Variants in CHORDC1 observed in about 807,000 individuals in gnomAD.
The protein encoded by CHORDC1 is cysteine and histidine-rich domain-containing protein 1.
A neutral mutation model predicts 48.3 loss-of-function variants in CHORDC1; 25 were observed. The observed-to-expected ratio is 0.52, with a 90% CI of 0.38 to 0.72. The LOEUF (loss-of-function observed/expected upper bound fraction) is 0.72, where lower values mean the gene tolerates loss of function less well. Among genes scored for constraint, CHORDC1 ranks in the 30% least tolerant of loss-of-function variants. The pLI is 0.00. For missense variants in CHORDC1, 317 were observed against 388.7 expected, an observed-to-expected ratio of 0.82 and a Z score of 1.55; for synonymous variants, 128 against 126.4, an observed-to-expected ratio of 1.01 and a Z score of -0.09.
In CHORDC1 at chr11:90,204,588, G is replaced by C. The variant is rs1292520611; in HGVS notation, c.669+872C>G. Among the ~76,000 whole-genome samples the C allele has an allele frequency of 4.6e-5, 7 of 152,114 alleles. No homozygotes were observed. In the East Asian group the frequency reaches 9.7e-4, roughly 21 times the overall value. On this transcript the variant is annotated intron_variant, in intron 8 of 10. Coordinates refer to ENST00000320585, the MANE Select transcript of CHORDC1 (RefSeq NM_012124.3). ...ACAAAAAAATTAGCTGGGCGTGGTG[G>C]TACGCACCTGTAGTCCCAGCTACTA...
chr11:90,217,840 T>C (rs1021100224), intron 2 of CHORDC1: 2 of 173,852 alleles, frequency 1.2e-5, no homozygotes, highest in Admixed American at 1.3e-4. Context: ...GACGTTGCAG[T>C]GAGCTGAGAT....
At chr11:90,203,880 T>C (rs1857602616) in intron 8 of CHORDC1, among the ~76,000 whole-genome samples, 1 of 152,116 alleles carries the variant, frequency 6.6e-6, no homozygotes, top group Non-Finnish European at 1.5e-5. Flanking sequence ...AATCAGAATC[T>C]AAGAAAAAAA....
intron 6 of CHORDC1, chr11:90,207,224 GCAAT>G (rs745798002): frequency 2.5e-5 from 4 of 162,902 alleles, no homozygotes; most frequent in Non-Finnish European, 5.4e-5. Flanking sequence ...CAGATTTTAA[GCAAT>G]CAGACTATAC....
Position 90,206,274 on chromosome 11 carries a change from T to A in CHORDC1, c.493-2A>T. 1 of 1,520,594 alleles carries A rather than the reference T, an allele frequency of 6.6e-7. No homozygotes were observed. Among genetic ancestry groups the A allele is most frequent in the Non-Finnish European group, 9.1e-7 (1 of 1,097,234 alleles). The allele number at this position is 1,520,594 out of a possible 1,614,324, so 94.2% of individuals were successfully genotyped here. A position where few individuals can be genotyped will look rare whatever the true frequency, so the allele number is the denominator to read the frequency against. ...TAGACTCTCTAGACCCTGGTATGTCTAAAAAGGAAACAAAGAGAAAAAAAA... is the reference window on the plus strand; with the variant it reads ...TAGACTCTCTAGACCCTGGTATGTCAAAAAAGGAAACAAAGAGAAAAAAAA... On this transcript the variant is annotated splice_acceptor_variant, in intron 6 of 10. Coordinates refer to ENST00000320585, the MANE Select transcript of CHORDC1 (RefSeq NM_012124.3). LOFTEE classifies it high-confidence loss of function.
intron 6 of CHORDC1, chr11:90,207,245 G>C: frequency 6.5e-6 from 1 of 154,362 alleles, no homozygotes; most frequent in South Asian, 2.0e-4. Context: ...ATACTAACAG[G>C]TTTCTACTAT....
intron 1 of CHORDC1, 115 bp downstream of exon 1, chr11:90,222,776 G>T: frequency 2.1e-6 from 2 of 963,328 alleles, no homozygotes; most frequent in African/African-American, 1.6e-5. Context: ...GAGGGGCATG[G>T]ACCTGGGGCC....
rs938489857 is a variant in CHORDC1 at position 90,213,073 on chromosome 11, A to G, written c.329+945T>C. On this transcript the variant is annotated intron_variant, in intron 4 of 10. Transcript: ENST00000320585. ...TTTCCCAATTATTTTTCTAACTGCT[A>G]AACTGGCCAAAGCATTCAATGGTCT... 14 of 223,612 alleles carry G rather than the reference A, an allele frequency of 6.3e-5. No homozygotes were observed. The Admixed American group carries it at 6.5e-4, about 10-fold the overall frequency. 13.9% of individuals were successfully genotyped at this position (223,612 alleles called of 1,614,324 possible).
In CHORDC1 at chr11:90,222,797, G is replaced by T. The variant is rs776858082; in HGVS notation, c.64+94C>A. The T allele has an allele frequency of 3.4e-6, 4 of 1,161,346 alleles. No homozygotes were observed. In the East Asian group the frequency reaches 1.0e-4, roughly 29 times the overall value. 71.9% of individuals were successfully genotyped at this position (1,161,346 alleles called of 1,614,324 possible). On this transcript the variant is annotated intron_variant, in intron 1 of 10. Transcript: ENST00000320585. ...CATGGACCTGGGGCCGCGCGAGGAC[G>T]GCTGCAGGAGATCCGCGGACACCCT...
At chr11:90,204,952 C>G (rs1237189794) in intron 8 of CHORDC1, among the ~76,000 whole-genome samples, 2 of 151,768 alleles carry the variant, frequency 1.3e-5, no homozygotes, top group African/African-American at 4.8e-5. Context: ...TTTTTTCCCC[C>G]CTTTTGATAA....
intron 10 of CHORDC1, 122 bp from the exon 11 acceptor site, chr11:90,202,673 T>C: frequency 3.6e-6 from 5 of 1,384,412 alleles, no homozygotes; most frequent in South Asian, 1.4e-5. Flanking sequence ...CTTTTATATC[T>C]AGTCTTAAAC....
chr11:90,204,903 T>G (rs2135028185), intron 8 of CHORDC1, among the ~76,000 whole-genome samples: 1 of 152,188 alleles, frequency 6.6e-6, no homozygotes, highest in Middle Eastern at 3.4e-3. Flanking sequence ...AGCCCCCAAG[T>G]CTTTTTAAAA....
At chr11:90,207,780 A>C (rs1328302400) in intron 6 of CHORDC1, 3 of 143,278 alleles carry the variant, frequency 2.1e-5, no homozygotes, top group African/African-American at 7.6e-5. Context: ...AAAAAAAAAC[A>C]AAAAAAACTC....
chr11:90,204,674 C>A lies in CHORDC1; in HGVS notation c.669+786G>T, dbSNP rs1857625613. 1.3e-5 allele frequency among the ~76,000 whole-genome samples: 2 copies of A among 151,364 alleles called. 1 individual carries two copies. Among genetic ancestry groups the A allele is most frequent in the South Asian group, 4.2e-4 (2 of 4,798 alleles). On this transcript the variant is annotated intron_variant, in intron 8 of 10. Coordinates refer to ENST00000320585, the MANE Select transcript of CHORDC1 (RefSeq NM_012124.3). ...AGGCGGAGGTTGCAGTGAGCCTGCA[C>A]TGCACGTCTGGGCGACAGAGCGAGA...
chr11:90,203,628 T>C (rs993340611), intron 8 of CHORDC1, among the ~76,000 whole-genome samples: 1 of 152,206 alleles, frequency 6.6e-6, no homozygotes, highest in Non-Finnish European at 1.5e-5. Flanking sequence ...ATAAATTTTA[T>C]GATTTCAGAA....
chr11:90,203,641 CACTT>C (rs1370958434), intron 8 of CHORDC1, among the ~76,000 whole-genome samples: 1 of 152,106 alleles, frequency 6.6e-6, no homozygotes, highest in South Asian at 2.1e-4. Flanking sequence ...TTTCAGAACA[CACTT>C]ACTCCTTCCC....
intron 2 of CHORDC1, chr11:90,217,909 A>AAAC (rs1491375750): frequency 3.6e-5 from 11 of 309,016 alleles, no homozygotes; most frequent in Non-Finnish European, 5.9e-5. Flanking sequence ...AAAAAAAAAA[A>AAAC]AAACCCAGAA....
chr11:90,216,991 A>G (rs980524756), intron 2 of CHORDC1, among the ~76,000 whole-genome samples: 3 of 152,230 alleles, frequency 2.0e-5, no homozygotes, highest in Admixed American at 2.0e-4. Flanking sequence ...AGTCTAGGAA[A>G]AATAAAATTC....
rs1293549862 is a variant in CHORDC1, at chr11:90,223,033, G to A, written c.-79C>T. The A allele has an allele frequency of 1.6e-6, 2 of 1,275,772 alleles. No individual in the cohort carries two copies. Among genetic ancestry groups the A allele is most frequent in the East Asian group, 4.7e-5 (2 of 42,370 alleles). 79.0% of individuals were successfully genotyped at this position (1,275,772 alleles called of 1,614,324 possible). On this transcript the variant is annotated 5_prime_UTR_variant, in exon 1 of 11. Transcript: ENST00000320585. The stretch of plus-strand genomic sequence containing the variant: ...TGCGTTTGCCACTCCCGTGTCGCTA[G>A]CACCGGTCTGACGACTGAGGCGGCT...
At position 90,202,378 on chromosome 11, in the gene CHORDC1, T is replaced by C. The variant is rs755561682; in HGVS notation, c.*27A>G. On this transcript the variant is annotated 3_prime_UTR_variant, in exon 11 of 11. Coordinates refer to ENST00000320585, the MANE Select transcript of CHORDC1 (RefSeq NM_012124.3). ...CACAGTATTAAAAATTCGGAAATAA[T>C]GTAATAGCCTTCCTTCCATCTCCCA... is the stretch of plus-strand genomic sequence containing the variant. 1.6e-5 allele frequency: 26 copies of C among 1,605,228 alleles called. No homozygotes were observed. The South Asian group carries it at 2.8e-4, about 17-fold the overall frequency.
Sources: gnomAD v4.1 joint callset for allele counts (sites outside exome capture counted in the v4.1 genomes callset) on GRCh38, gnomAD v4.1.1 for gene constraint, MANE v1.5 for transcripts, NCBI Gene and HGNC (gene_info 2026-07-23, HGNC 2026-07-21) for gene names.